Variants in AREL1 observed in about 807,000 individuals in gnomAD.
AREL1 encodes apoptosis resistant E3 ubiquitin protein ligase 1.
In AREL1, 62 loss-of-function variants were observed where a neutral mutation model predicts 99.0. The observed-to-expected ratio is 0.63, with a 90% CI of 0.51 to 0.77. AREL1 has a LOEUF of 0.77. Among genes scored for constraint, AREL1 ranks in the 30% least tolerant of loss-of-function variants. The pLI is 0.00. For synonymous variants in AREL1, 380 were observed against 376.5 expected (o/e 1.01, Z -0.11); for missense variants, 879 against 1,027.6 (o/e 0.86, Z 1.98).
At chr14:74,710,162 G>A (rs1310114331) in intron 1 of AREL1, among the ~76,000 whole-genome samples, 2 of 152,190 alleles carry the variant, frequency 1.3e-5, no homozygotes, top group Non-Finnish European at 2.9e-5. Flanking sequence ...GAATGCTGTA[G>A]AGTATCTGAC....
At chr14:74,671,321 C>CGTTTT in intron 12 of AREL1, 87 bp downstream of exon 12, 2 of 125,874 alleles carry the variant, frequency 1.6e-5, no homozygotes, top group Non-Finnish European at 1.6e-5. Context: ...GTAAGAGTTG[C>CGTTTT]TTTTTTTTTT....
At chr14:74,688,272 G>A (rs1378882316) in intron 2 of AREL1, among the ~76,000 whole-genome samples, 3 of 151,934 alleles carry the variant, frequency 2.0e-5, no homozygotes, top group East Asian at 1.9e-4. Flanking sequence ...TGATCCACCC[G>A]CCTCAGCCTC....
intron 5 of AREL1, chr14:74,678,229 G>T (rs779728880): frequency 2.2e-6 from 1 of 454,892 alleles, no homozygotes; most frequent in South Asian, 1.6e-5. Flanking sequence ...GTGTGACTTG[G>T]CTCACGCCTG....
At chr14:74,689,587 C>CTTTTTTTTTTTTTTTTTTTTTTTTTTTT (rs1185444870) in intron 2 of AREL1, among the ~76,000 whole-genome samples, 1 of 113,714 alleles carries the variant, frequency 8.8e-6, no homozygotes. Context: ...TCTTATAGCA[C>CTTTTTTTTTTTTTTTTTTTTTTTTTTTT]TTTTCTTTTT....
At chr14:74,691,383 C>T (rs1467057341) in intron 2 of AREL1, among the ~76,000 whole-genome samples, 2 of 139,870 alleles carry the variant, frequency 1.4e-5, no homozygotes, top group African/African-American at 5.2e-5. Flanking sequence ...ATGCTCTTAA[C>T]CTCTACAGTG....
At chr14:74,681,750 C>T (rs1239224908) in intron 5 of AREL1, among the ~76,000 whole-genome samples, 1 of 141,846 alleles carries the variant, frequency 7.0e-6, no homozygotes, top group Non-Finnish European at 1.5e-5. Context: ...AGCCTGGCGA[C>T]AGGGCGAGAC....
chr14:74,705,945 A>G (rs2090170345), intron 1 of AREL1, among the ~76,000 whole-genome samples: 1 of 152,238 alleles, frequency 6.6e-6, no homozygotes, highest in African/African-American at 2.4e-5. Context: ...AGGGAAAACA[A>G]GAAGTGAGAA....
chr14:74,676,002 C>T (rs997325204), intron 7 of AREL1, 56 bp from the exon 8 acceptor site: 2 of 1,537,034 alleles, frequency 1.3e-6, no homozygotes, highest in Admixed American at 2.0e-5. Context: ...AAAAAAATTA[C>T]CTATCACAGG....
At chr14:74,701,830 T>C (rs1479147898) in intron 1 of AREL1, 1 of 152,190 alleles carries the variant, frequency 6.6e-6, no homozygotes, top group African/African-American at 2.4e-5. Flanking sequence ...GTACAGGCAA[T>C]GGGTAAATAT....
intron 1 of AREL1, among the ~76,000 whole-genome samples, chr14:74,704,332 C>T (rs1217635930): frequency 6.6e-6 from 1 of 152,070 alleles, no homozygotes; most frequent in Non-Finnish European, 1.5e-5. Context: ...CGACATGTGC[C>T]CAAGGTGGTT....
intron 1 of AREL1, among the ~76,000 whole-genome samples, chr14:74,709,962 T>C (rs1323905191): frequency 6.6e-6 from 1 of 152,212 alleles, no homozygotes; most frequent in East Asian, 1.9e-4. Context: ...GTGTGTCCAA[T>C]GCCTTGGGTG....
At chr14:74,699,372 TGTGTGA>T (rs1422073219) in intron 1 of AREL1, among the ~76,000 whole-genome samples, 74 of 130,002 alleles carry the variant, frequency 5.7e-4, no homozygotes, top group Non-Finnish European at 9.1e-4. Context: ...TGTGTGTGTG[TGTGTGA>T]GAGAGAGAGA....
In AREL1 at chr14:74,671,627, A is replaced by G. The variant is rs145824577; in HGVS notation, c.1423-144T>C. 585 of 503,732 alleles carry G rather than the reference A, an allele frequency of 1.2e-3. 10 individuals carry two copies. The East Asian group carries it at 0.019, about 17-fold the overall frequency. The allele number at this position is 503,732 out of a possible 1,614,324, so 31.2% of individuals were successfully genotyped here. ...ATATGTTACTCATAAACAAGCTTTA[A>G]TGATACCACCTGACATTTAAAATGC... is the stretch of plus-strand genomic sequence containing the variant. On this transcript the variant is annotated intron_variant, in intron 11 of 19. Transcript: ENST00000356357.
chr14:74,682,865 G>A (rs1392546555), intron 5 of AREL1, among the ~76,000 whole-genome samples: 2 of 152,208 alleles, frequency 1.3e-5, no homozygotes, highest in Non-Finnish European at 2.9e-5. Context: ...GAAGCTTCGC[G>A]AGGCCTCACC....
In AREL1 at chr14:74,670,770, GGTT is replaced by G; in HGVS notation, c.1597_1599del (p.Asn533del). On this transcript the variant is annotated inframe_deletion, in exon 13 of 20. Transcript: ENST00000356357. ...ACCCGTCACCAACTCACTAATGCTT[GGTT>G]GTTGTCACTGAACCGGGTGAAGAGC... 6.2e-7 allele frequency: 1 copy of G among 1,613,890 alleles called. No homozygotes were observed. Among genetic ancestry groups the G allele is most frequent in the Non-Finnish European group, 8.5e-7 (1 of 1,179,828 alleles).
chr14:74,685,603 T>A lies in AREL1; in HGVS notation c.13A>T (p.Ile5Phe), dbSNP rs767852029. 13 of 1,614,034 alleles carry A rather than the reference T, an allele frequency of 8.1e-6. 1 individual carries two copies. In the Middle Eastern group the frequency reaches 4.9e-4, roughly 61 times the overall value. The change falls in exon 3 of 20, where the codon ATT becomes TTT. Residue 5 changes from isoleucine (I) to phenylalanine (F), a missense_variant. Transcript: ENST00000356357. MFYV[I>F]GGITVSVVAF... ...GAGAGCTCTTTCCATAACGTACCAATAACGTAAAACATCAGGTCCCGTCAA... is the reference window on the plus strand; with the variant it reads ...GAGAGCTCTTTCCATAACGTACCAAAAACGTAAAACATCAGGTCCCGTCAA...
chr14:74,668,100 C>A (rs1365129046), intron 15 of AREL1, among the ~76,000 whole-genome samples: 2 of 152,230 alleles, frequency 1.3e-5, no homozygotes, highest in Admixed American at 1.3e-4. Flanking sequence ...GGATTCTAAT[C>A]TCAGCCCTGA....
At chr14:74,664,283 C>T (rs923293533) in intron 18 of AREL1, among the ~76,000 whole-genome samples, 2 of 152,098 alleles carry the variant, frequency 1.3e-5, no homozygotes, top group Non-Finnish European at 2.9e-5. Context: ...TCTCTTTCTT[C>T]GCCATCTCCA....
In AREL1 at chr14:74,663,671, C is replaced by T. The variant is rs772849447; in HGVS notation, c.*49G>A. ...GTGGTTATGATGTCTGTAACTTGCG[C>T]CCAGAAGCTCCAGAGAGCATGGGAG... On this transcript the variant is annotated 3_prime_UTR_variant, in exon 20 of 20. Coordinates refer to ENST00000356357, the MANE Select transcript of AREL1 (RefSeq NM_001039479.2). The T allele has an allele frequency of 2.5e-5, 39 of 1,566,540 alleles. No individual in the cohort carries two copies. The highest frequency in any genetic ancestry group is 3.2e-5 in the Non-Finnish European group (36 of 1,138,414).
Sources: allele counts gnomAD v4.1 joint callset (sites outside exome capture counted in the v4.1 genomes callset), GRCh38; gene constraint gnomAD v4.1.1; transcripts MANE v1.5; gene names NCBI Gene and HGNC (gene_info 2026-07-23, HGNC 2026-07-21).